The following MICAL2 variants were observed in gnomAD, a reference collection of about 807,000 sequenced individuals.
The protein encoded by MICAL2 is [F-actin]-monooxygenase MICAL2.
A neutral mutation model predicts 127.3 loss-of-function variants in MICAL2; 77 were observed. The ratio of observed to expected loss-of-function variants is 0.60; its 90% CI spans 0.50 to 0.73. MICAL2 has a LOEUF of 0.73. Ranked by LOEUF, MICAL2 falls within the 30% of genes least tolerant of loss-of-function variation. MICAL2 has a pLI of 0.00. For synonymous variants in MICAL2, 570 were observed against 551.1 expected, an observed-to-expected ratio of 1.03 and a Z score of -0.48; for missense variants, 1,351 against 1,434.4, an observed-to-expected ratio of 0.94 and a Z score of 0.94.
intron 3 of MICAL2, among the ~76,000 whole-genome samples, chr11:12,173,142 A>T (rs1437201808): frequency 1.3e-5 from 2 of 152,188 alleles, no homozygotes; most frequent in Non-Finnish European, 2.9e-5. Context: ...GGCTGCTCAG[A>T]GCCTTTGGCT....
intron 8 of MICAL2, among the ~76,000 whole-genome samples, chr11:12,219,215 A>G (rs1403572848): frequency 6.6e-6 from 1 of 152,086 alleles, no homozygotes; most frequent in Non-Finnish European, 1.5e-5. Flanking sequence ...GTCACCTTTG[A>G]GAAAGGTGGT....
intron 8 of MICAL2, among the ~76,000 whole-genome samples, chr11:12,219,236 C>T (rs1856532727): frequency 6.6e-6 from 1 of 152,118 alleles, no homozygotes; most frequent in African/African-American, 2.4e-5. Flanking sequence ...CTTTTAGTTT[C>T]TTTAGCCACA....
At chr11:12,189,567 A>G (rs10831755) in intron 3 of MICAL2, among the ~76,000 whole-genome samples, 79,755 of 152,076 alleles carry the variant, frequency 0.52, 21,558 homozygotes, top group Middle Eastern at 0.72. Flanking sequence ...TTTAAATTAC[A>G]TATTCCCTAA....
chr11:12,349,754 T>TA lies in MICAL2; in HGVS notation c.5516-82dup, dbSNP rs567937757. 3.6e-3 allele frequency: 4,839 copies of TA among 1,339,990 alleles called. 25 individuals carry two copies. The highest frequency in any genetic ancestry group is 3.8e-3 in the Non-Finnish European group (3,607 of 940,912). The allele number at this position is 1,339,990 out of a possible 1,614,324, so 83.0% of individuals were successfully genotyped here. A position where few individuals can be genotyped will look rare whatever the true frequency, so the allele number is the denominator to read the frequency against. On this transcript the variant is annotated intron_variant, in intron 32 of 34. Coordinates refer to the MICAL2 transcript ENST00000646065. ...TGCAGAGCCCTTGTCACTACAAACA[T>TA]AACCTGCTAAAGTGGCTCAAAGCAG... is the stretch of plus-strand genomic sequence containing the variant.
chr11:12,202,765 C>T (rs1285075124), intron 3 of MICAL2, among the ~76,000 whole-genome samples: 2 of 152,186 alleles, frequency 1.3e-5, no homozygotes, highest in African/African-American at 4.8e-5. Flanking sequence ...AAGCTCTGTA[C>T]CATGTTTTTT....
intron 6 of MICAL2, among the ~76,000 whole-genome samples, chr11:12,212,823 C>A (rs1226103280): frequency 6.6e-6 from 1 of 152,138 alleles, no homozygotes; most frequent in African/African-American, 2.4e-5. Flanking sequence ...AAATCCCTGT[C>A]CTGCAGGAAT....
chr11:12,227,268 C>T, intron 15 of MICAL2, 137 bp downstream of exon 15: 1 of 637,916 alleles, frequency 1.6e-6, no homozygotes, highest in Non-Finnish European at 2.7e-6. Flanking sequence ...GCTAGTAAAA[C>T]TCGGATTAGT....
chr11:12,223,309 A>C, intron 11 of MICAL2, 102 bp from the exon 12 acceptor site: 1 of 1,004,302 alleles, frequency 1.0e-6, no homozygotes, highest in Non-Finnish European at 1.5e-6. Context: ...CAGTAGAGGA[A>C]AATGGTGGCA....
intron 1 of MICAL2, among the ~76,000 whole-genome samples, chr11:12,115,914 T>C (rs1050092884): frequency 6.6e-5 from 10 of 152,158 alleles, no homozygotes; most frequent in Non-Finnish European, 1.5e-4. Context: ...GCTTGGATCA[T>C]TATTTCCACG....
chr11:12,343,455 C>T (rs1938902800), intron 32 of MICAL2, among the ~76,000 whole-genome samples: 1 of 143,424 alleles, frequency 7.0e-6, no homozygotes, highest in East Asian at 2.0e-4. Flanking sequence ...AGTTATTCCA[C>T]TGAAAAAATA....
chr11:12,148,629 G>A (rs1254145926), intron 2 of MICAL2, among the ~76,000 whole-genome samples: 1 of 152,176 alleles, frequency 6.6e-6, no homozygotes. Flanking sequence ...TGATTTGATT[G>A]TATCTACCAG....
intron 24 of MICAL2, among the ~76,000 whole-genome samples, chr11:12,270,874 G>A (rs1432761342): frequency 6.6e-6 from 1 of 152,208 alleles, no homozygotes; most frequent in African/African-American, 2.4e-5. Flanking sequence ...CCTGGGTTCT[G>A]GGGGTGAGTG....
intron 32 of MICAL2, among the ~76,000 whole-genome samples, chr11:12,334,098 T>C (rs969628298): frequency 6.6e-6 from 1 of 152,162 alleles, no homozygotes; most frequent in Non-Finnish European, 1.5e-5. Context: ...CCTCAAGTTG[T>C]TAGTCAATAG....
downstream of MICAL2, among the ~76,000 whole-genome samples, chr11:12,268,385 C>T (rs1435745851): frequency 6.6e-6 from 1 of 152,224 alleles, no homozygotes. Context: ...CAGCAGCATC[C>T]CTTTTGGGGC....
chr11:12,262,046 T>A (rs2134719561), intron 26 of MICAL2: 2 of 1,060,900 alleles, frequency 1.9e-6, no homozygotes, highest in Middle Eastern at 4.5e-4. Flanking sequence ...GAGACTGGTT[T>A]GAATTACTGT....
rs751717162 is a variant in MICAL2, at chr11:12,201,913, G to T, written c.265-2337G>T. Among the ~76,000 whole-genome samples, 3 of 152,316 alleles carry T rather than the reference G, an allele frequency of 2.0e-5. No individual in the cohort carries two copies. In the East Asian group the frequency reaches 5.8e-4, roughly 29 times the overall value. ...GCGGGCAGATCACCTGAGGTTGGGAGTTCAAGACCAGCCTGACCAACATGG... is the reference window on the plus strand; with the variant it reads ...GCGGGCAGATCACCTGAGGTTGGGATTTCAAGACCAGCCTGACCAACATGG... On this transcript the variant is annotated intron_variant, in intron 3 of 27. Coordinates refer to ENST00000683283, the MANE Select transcript of MICAL2 (RefSeq NM_001282663.2).
intron 32 of MICAL2, among the ~76,000 whole-genome samples, chr11:12,348,890 C>CAACTGGCATGTAATT (rs1938999347): frequency 6.6e-6 from 1 of 152,178 alleles, no homozygotes; most frequent in Non-Finnish European, 1.5e-5. Context: ...GGCATGTAAT[C>CAACTGGCATGTAATT]ACTACAAAAT....
At position 12,110,743 on chromosome 11, in the gene MICAL2, G is replaced by T. The variant is rs1332018982; in HGVS notation, c.-149+17G>T. 2.7e-5 allele frequency: 4 copies of T among 150,884 alleles called. No individual in the cohort carries two copies. In the East Asian group the frequency reaches 7.9e-4, roughly 30 times the overall value. 9.3% of individuals were successfully genotyped at this position (150,884 alleles called of 1,614,324 possible). On this transcript the variant is annotated intron_variant, in intron 1 of 27. Coordinates refer to ENST00000683283, the MANE Select transcript of MICAL2 (RefSeq NM_001282663.2). The surrounding 1 kb of genome is among the most constrained non-coding windows in gnomAD (Gnocchi z 4.5). Reference sequence around the variant, plus strand: ...CGACTTTCGGTAAGGCGGGGGCGGCGCTGGCCTCAGGGTGGGGAGGGCGGG... The same window carrying T: ...CGACTTTCGGTAAGGCGGGGGCGGCTCTGGCCTCAGGGTGGGGAGGGCGGG...
At chr11:12,146,539 G>A (rs1373257769) in intron 2 of MICAL2, among the ~76,000 whole-genome samples, 1 of 152,178 alleles carries the variant, frequency 6.6e-6, no homozygotes, top group African/African-American at 2.4e-5. Flanking sequence ...TTAGAACGGT[G>A]ATCATTAAAA....
Sources: allele counts gnomAD v4.1 joint callset (sites outside exome capture counted in the v4.1 genomes callset), GRCh38; gene constraint gnomAD v4.1.1; non-coding constraint Gnocchi (gnomAD v3.1); transcripts MANE v1.5; gene names NCBI Gene and HGNC (gene_info 2026-07-23, HGNC 2026-07-21).